Variants in METTL15 observed in about 807,000 individuals in gnomAD.
The protein encoded by METTL15 is 12S rRNA N(4)-cytidine methyltransferase METTL15.
METTL15 carries 34 observed loss-of-function variants against 38.3 expected under a neutral mutation model. The ratio of observed to expected loss-of-function variants is 0.89; its 90% CI spans 0.68 to 1.18. The LOEUF is 1.18. Among genes scored for constraint, METTL15 ranks in the 50% most tolerant of loss-of-function variants. The probability of loss-of-function intolerance (pLI) is 0.00; values close to 1 mark genes in which losing one functional copy is unlikely to be tolerated. For missense variants in METTL15, 438 were observed against 498.4 expected (o/e 0.88, Z 1.15); for synonymous variants, 162 against 170.9 (o/e 0.95, Z 0.41).
At chr11:28,219,146 C>G (rs953781479) in intron 4 of METTL15, among the ~76,000 whole-genome samples, 3 of 152,160 alleles carry the variant, frequency 2.0e-5, no homozygotes, top group Non-Finnish European at 4.4e-5. Context: ...ACCAACTTCT[C>G]CTTGTACCTC....
chr11:28,109,814 C>T (rs1851641448), intron 1 of METTL15, among the ~76,000 whole-genome samples: 1 of 152,192 alleles, frequency 6.6e-6, no homozygotes, highest in Non-Finnish European at 1.5e-5. Flanking sequence ...GTTACACTTG[C>T]CATTTAACAG....
In METTL15 at chr11:28,332,266, A is replaced by C. The variant is rs1459725461; in HGVS notation, c.*1425A>C. On this transcript the variant is annotated 3_prime_UTR_variant, in exon 7 of 7. Coordinates refer to ENST00000407364, the MANE Select transcript of METTL15 (RefSeq NM_001113528.2). ...GAACAATATGGTTGAAATAGAAACA[A>C]GAGAATGCACCTAGGTTAATTCCCT... is the stretch of plus-strand genomic sequence containing the variant. 1 of 152,200 alleles carries C rather than the reference A, an allele frequency of 6.6e-6. No individual in the cohort carries two copies. The highest frequency in any genetic ancestry group is 1.5e-5 in the Non-Finnish European group (1 of 68,024). The allele number at this position is 152,200 out of a possible 1,614,324, so 9.4% of individuals were successfully genotyped here. A position where few individuals can be genotyped will look rare whatever the true frequency, so the allele number is the denominator to read the frequency against.
At chr11:28,466,875 A>G (rs1851261510) in intron 6 of METTL15, among the ~76,000 whole-genome samples, 1 of 152,202 alleles carries the variant, frequency 6.6e-6, no homozygotes, top group Non-Finnish European at 1.5e-5. Context: ...CAACACATGT[A>G]GAGCCTTCAG....
chr11:28,469,594 C>T (rs1422516853), intron 6 of METTL15, among the ~76,000 whole-genome samples: 6 of 152,118 alleles, frequency 3.9e-5, no homozygotes, highest in African/African-American at 1.4e-4. Flanking sequence ...TTATGTGCTT[C>T]AGATTCTTCA....
At chr11:28,179,667 C>T (rs1211498900) in intron 3 of METTL15, among the ~76,000 whole-genome samples, 1 of 151,692 alleles carries the variant, frequency 6.6e-6, no homozygotes, top group Non-Finnish European at 1.5e-5. Flanking sequence ...GTCCATTCTC[C>T]TGTTGATGGG....
intron 4 of METTL15, among the ~76,000 whole-genome samples, chr11:28,276,667 A>T (rs1442990669): frequency 6.6e-6 from 1 of 152,208 alleles, no homozygotes; most frequent in African/African-American, 2.4e-5. Flanking sequence ...TAGAGGCATC[A>T]CATTACCTGA....
At chr11:28,328,203 C>A in intron 6 of METTL15, 1 of 1,585,846 alleles carries the variant, frequency 6.3e-7, no homozygotes, top group Non-Finnish European at 8.6e-7. Context: ...TTGATATGGA[C>A]ATCATGTTCC....
intron 5 of METTL15, among the ~76,000 whole-genome samples, chr11:28,397,427 A>G (rs1850583111): frequency 6.6e-6 from 1 of 152,224 alleles, no homozygotes; most frequent in Non-Finnish European, 1.5e-5. Flanking sequence ...AAGTGGGTGA[A>G]AGATATGAAC....
chr11:28,290,785 C>T (rs1278359065), intron 5 of METTL15, among the ~76,000 whole-genome samples: 1 of 151,368 alleles, frequency 6.6e-6, no homozygotes, highest in Non-Finnish European at 1.5e-5. Context: ...ATATTTAATG[C>T]ATCCTCTTTT....
chr11:28,401,935 G>A (rs1273528815), intron 5 of METTL15, among the ~76,000 whole-genome samples: 2 of 151,918 alleles, frequency 1.3e-5, no homozygotes, highest in Admixed American at 1.3e-4. Flanking sequence ...AATGTACTTA[G>A]TGACTTATTT....
chr11:28,269,021 A>C (rs1055448930), intron 4 of METTL15, among the ~76,000 whole-genome samples: 2 of 152,206 alleles, frequency 1.3e-5, no homozygotes, highest in African/African-American at 4.8e-5. Context: ...ATTTTATTGG[A>C]TATAAATCAT....
intron 4 of METTL15, among the ~76,000 whole-genome samples, chr11:28,222,087 C>T (rs571926702): frequency 4.6e-5 from 7 of 152,304 alleles, no homozygotes; most frequent in East Asian, 3.9e-4. Context: ...AGCTGTCAGA[C>T]AGGGATATTT....
At chr11:28,372,450 C>T (rs1457925382) in intron 5 of METTL15, among the ~76,000 whole-genome samples, 6 of 101,574 alleles carry the variant, frequency 5.9e-5, no homozygotes, top group Non-Finnish European at 8.1e-5. Flanking sequence ...TTGTTGTGTT[C>T]TTTTTTTTTT....
intron 4 of METTL15, among the ~76,000 whole-genome samples, chr11:28,251,224 C>T (rs1430160090): frequency 6.6e-6 from 1 of 151,990 alleles, no homozygotes; most frequent in African/African-American, 2.4e-5. Context: ...ATCTTATATT[C>T]TCAAGCAAAG....
chr11:28,367,274 G>A (rs1261366830), intron 5 of METTL15, among the ~76,000 whole-genome samples: 5 of 150,056 alleles, frequency 3.3e-5, no homozygotes, highest in African/African-American at 9.8e-5. Context: ...GACAGATACT[G>A]CAGGAAAAAA....
intron 6 of METTL15, among the ~76,000 whole-genome samples, chr11:28,499,126 C>T (rs1214594780): frequency 6.6e-6 from 1 of 152,144 alleles, no homozygotes; most frequent in Non-Finnish European, 1.5e-5. Context: ...TTCTACCTTG[C>T]CTCAGATTCA....
chr11:28,366,925 G>GC lies in METTL15; in HGVS notation c.*358+4890dup, dbSNP rs1462500683. ...TAAGAAGTCACAGTACCCCAAGCAAGCATAAAGCCAAGAATAGCTGTATTT... is the reference window on the plus strand; with the variant it reads ...TAAGAAGTCACAGTACCCCAAGCAAGCCATAAAGCCAAGAATAGCTGTATTT... On this transcript the variant is annotated intron_variant and NMD_transcript_variant, in intron 5 of 7. Transcript: ENST00000532947. 6.6e-5 allele frequency among the ~76,000 whole-genome samples: 10 copies of GC among 152,246 alleles called. No homozygotes were observed. The East Asian group carries it at 1.9e-3, about 29-fold the overall frequency.
intron 3 of METTL15, among the ~76,000 whole-genome samples, chr11:28,180,742 G>T (rs964989392): frequency 6.6e-6 from 1 of 151,754 alleles, no homozygotes; most frequent in Non-Finnish European, 1.5e-5. Context: ...CAAATGAAAA[G>T]AATAGTATAT....
chr11:28,397,587 C>A (rs1850585199), intron 5 of METTL15, among the ~76,000 whole-genome samples: 1 of 151,882 alleles, frequency 6.6e-6, no homozygotes, highest in Non-Finnish European at 1.5e-5. Context: ...AGTCAGGAAA[C>A]AACAGGTGCT....
Sources: gnomAD v4.1 joint callset for allele counts (sites outside exome capture counted in the v4.1 genomes callset) on GRCh38, gnomAD v4.1.1 for gene constraint, MANE v1.5 for transcripts, NCBI Gene and HGNC (gene_info 2026-07-23, HGNC 2026-07-21) for gene names.